Variants in ELP3 observed in about 807,000 individuals in gnomAD.
ELP3 encodes the protein elongator acetyltransferase complex subunit 3.
A neutral mutation model predicts 74.9 loss-of-function variants in ELP3; 56 were observed. The observed-to-expected ratio is 0.75, with a 90% CI of 0.60 to 0.93. ELP3 has a LOEUF of 0.93. ELP3 is among the 40% of genes least tolerant of loss of function. ELP3 has a pLI of 0.00. For synonymous variants in ELP3, 222 were observed against 239.8 expected (o/e 0.93, Z 0.68); for missense variants, 573 against 686.5 (o/e 0.83, Z 1.85).
intron 11 of ELP3, among the ~76,000 whole-genome samples, chr8:28,157,797 A>G (rs889073676): frequency 5.3e-5 from 8 of 152,342 alleles, no homozygotes; most frequent in African/African-American, 1.7e-4. Context: ...GTAGCATAGC[A>G]TGCACTGTGG....
intron 3 of ELP3, among the ~76,000 whole-genome samples, chr8:28,103,891 G>A (rs1811586350): frequency 1.3e-5 from 2 of 152,136 alleles, no homozygotes; most frequent in Admixed American, 1.3e-4. Context: ...CACCACACCA[G>A]CTAATTTTTG....
chr8:28,113,307 G>A (rs1318178720), intron 7 of ELP3, 134 bp downstream of exon 7: 6 of 602,698 alleles, frequency 1.0e-5, no homozygotes, highest in Non-Finnish European at 1.3e-5. Context: ...CATGGGAAAG[G>A]ATTATTTCAG....
intron 14 of ELP3, among the ~76,000 whole-genome samples, chr8:28,165,695 G>T (rs1814278531): frequency 6.6e-6 from 1 of 152,118 alleles, no homozygotes; most frequent in Admixed American, 6.5e-5. Context: ...CATCTTGCCA[G>T]ATTTTCTCTG....
intron 3 of ELP3, among the ~76,000 whole-genome samples, chr8:28,101,779 A>G (rs1201396148): frequency 1.3e-5 from 2 of 152,020 alleles, no homozygotes; most frequent in Non-Finnish European, 2.9e-5. Flanking sequence ...CAGTAGAGAC[A>G]GGGTTTCACT....
intron 3 of ELP3, among the ~76,000 whole-genome samples, chr8:28,105,914 C>T (rs1266133705): frequency 2.6e-5 from 4 of 152,234 alleles, no homozygotes; most frequent in African/African-American, 9.6e-5. Flanking sequence ...AGGTTATTTA[C>T]ACCCAGACCC....
intron 7 of ELP3, among the ~76,000 whole-genome samples, chr8:28,122,973 A>T (rs1298931495): frequency 6.6e-6 from 1 of 152,178 alleles, no homozygotes; most frequent in Admixed American, 6.5e-5. Flanking sequence ...AAAATACAAA[A>T]GTTAGCCATG....
chr8:28,112,437 A>G (rs1215915956), intron 6 of ELP3: 1 of 152,118 alleles, frequency 6.6e-6, no homozygotes, highest in Non-Finnish European at 1.5e-5. Flanking sequence ...TGGCCTGAAT[A>G]TTTCATTTTT....
At chr8:28,103,178 A>C (rs1811559644) in intron 3 of ELP3, among the ~76,000 whole-genome samples, 1 of 147,202 alleles carries the variant, frequency 6.8e-6, no homozygotes, top group Non-Finnish European at 1.5e-5. Flanking sequence ...TCAAAAAAAC[A>C]AACAAACAAA....
In ELP3 at chr8:28,097,279, T is replaced by C. The variant is rs1351528901; in HGVS notation, c.80T>C (p.Ile27Thr). 11 of 1,613,904 alleles carry C rather than the reference T, an allele frequency of 6.8e-6. No individual in the cohort carries two copies. Among genetic ancestry groups the C allele is most frequent in the Non-Finnish European group, 9.3e-6 (11 of 1,179,942 alleles). The change falls in exon 2 of 15, where the codon ATT (isoleucine) becomes ACT (threonine). Residue 27 changes from isoleucine (I) to threonine (T), a missense_variant. Transcript: ENST00000256398. Reference protein sequence around the residue: ...LTIGDVIKQLIEAHEQGKDID... With the variant: ...LTIGDVIKQLTEAHEQGKDID... ...ATAGGAGATGTTATTAAACAACTGA[T>C]TGAAGCCCACGAGCAGGGGAAAGAC...
chr8:28,108,206 A>G (rs1224961323), intron 5 of ELP3, among the ~76,000 whole-genome samples: 1 of 152,184 alleles, frequency 6.6e-6, no homozygotes, highest in Non-Finnish European at 1.5e-5. Context: ...TTCTTATCCC[A>G]AATGCTGTTC....
chr8:28,177,867 A>G (rs1814825394), intron 14 of ELP3, among the ~76,000 whole-genome samples: 1 of 152,234 alleles, frequency 6.6e-6, no homozygotes, highest in South Asian at 2.1e-4. Context: ...ATACTGAGCA[A>G]ATACTTGATC....
intron 7 of ELP3, among the ~76,000 whole-genome samples, chr8:28,121,920 A>G (rs1189845281): frequency 6.6e-6 from 1 of 152,206 alleles, no homozygotes; most frequent in Non-Finnish European, 1.5e-5. Context: ...GTTCCCAGTG[A>G]TACAGGGAAA....
rs1335954728 is a variant in ELP3, at chr8:28,119,604, A to G, written c.617+6431A>G. The stretch of plus-strand genomic sequence containing the variant: ...TATATATATATATATATATATATAT[A>G]TATATATATATATATATATATATAT... On this transcript the variant is annotated intron_variant, in intron 7 of 14. Coordinates refer to ENST00000256398, the MANE Select transcript of ELP3 (RefSeq NM_018091.6). Among the ~76,000 whole-genome samples, 25 of 119,848 alleles carry G rather than the reference A, an allele frequency of 2.1e-4. 2 individuals carry two copies. Among genetic ancestry groups the G allele is most frequent in the African/African-American group, 7.5e-4 (21 of 28,164 alleles). 78.6% of individuals were successfully genotyped at this position (119,848 alleles called of 152,430 possible).
chr8:28,110,313 T>C, intron 5 of ELP3, 57 bp from the exon 6 acceptor site: 1 of 1,473,528 alleles, frequency 6.8e-7, no homozygotes, highest in Non-Finnish European at 9.4e-7. Context: ...ACAGTCCTTT[T>C]GAAACTACTT....
chr8:28,093,386 A>T, intron 1 of ELP3, 153 bp downstream of exon 1: 2 of 1,053,182 alleles, frequency 1.9e-6, no homozygotes, highest in Admixed American at 5.5e-5. Context: ...CTGGTCCCCG[A>T]GCCTTCTCGT....
chr8:28,178,920 CAT>C (rs1471877301), intron 14 of ELP3, among the ~76,000 whole-genome samples: 3 of 152,174 alleles, frequency 2.0e-5, no homozygotes, highest in Admixed American at 6.5e-5. Context: ...GCTGTGTGCA[CAT>C]GTGTGTGTGA....
In ELP3 at chr8:28,190,099, T is replaced by C. The variant is rs1279051198; in HGVS notation, c.*374T>C. 1 of 172,532 alleles carries C rather than the reference T, an allele frequency of 5.8e-6. No homozygotes were observed. Among genetic ancestry groups the C allele is most frequent in the African/African-American group, 2.4e-5 (1 of 41,934 alleles). The allele number at this position is 172,532 out of a possible 1,614,324, so 10.7% of individuals were successfully genotyped here. On this transcript the variant is annotated 3_prime_UTR_variant, in exon 15 of 15. Coordinates refer to ENST00000256398, the MANE Select transcript of ELP3 (RefSeq NM_018091.6). ...ACTGATTGTCATTCGAGGAGCAAAC[T>C]TAAGAGTAGTTTATTTATATACCCT...
At chr8:28,090,478 GGTGGGTGTGTGTGTGT>G (rs1190535592), upstream of ELP3, 13 of 227,318 alleles carry the variant, frequency 5.7e-5, no homozygotes, top group East Asian at 3.0e-4. Context: ...TAGTCTGATG[GGTGGGTGTGTGTGTGT>G]GTGTGTGTGT....
Position 28,170,695 on chromosome 8 carries a change from G to A in ELP3, c.1567+8617G>A, listed in dbSNP as rs543750244. Among the ~76,000 whole-genome samples the A allele has an allele frequency of 1.4e-4, 21 of 152,196 alleles. 1 individual carries two copies. In the South Asian group the frequency reaches 4.4e-3, roughly 32 times the overall value. On this transcript the variant is annotated intron_variant, in intron 14 of 14. Transcript: ENST00000256398. ...AACACATGGAGAAATTTTATGCATTGTAAGAAAATTTTTTTCATTTGGGGA... is the reference window on the plus strand; with the variant it reads ...AACACATGGAGAAATTTTATGCATTATAAGAAAATTTTTTTCATTTGGGGA...
Sources: allele counts gnomAD v4.1 joint callset (sites outside exome capture counted in the v4.1 genomes callset), GRCh38; gene constraint gnomAD v4.1.1; transcripts MANE v1.5; gene names NCBI Gene and HGNC (gene_info 2026-07-23, HGNC 2026-07-21).